ITIH5: variants seen among roughly 807,000 people sequenced by gnomAD.
ITIH5 encodes the protein inter-alpha-trypsin inhibitor heavy chain H5.
A neutral mutation model predicts 77.5 loss-of-function variants in ITIH5; 65 were observed. That is an observed-to-expected ratio of 0.84 (90% CI 0.69 to 1.03). The LOEUF (loss-of-function observed/expected upper bound fraction) is 1.03, where lower values mean the gene tolerates loss of function less well. Ranked by LOEUF, ITIH5 falls within the 50% of genes least tolerant of loss-of-function variation. The pLI, the probability that ITIH5 is intolerant of heterozygous loss-of-function variation, is 0.00. For synonymous variants in ITIH5, 525 were observed against 494.3 expected, an observed-to-expected ratio of 1.06 and a Z score of -0.82; for missense variants, 1,208 against 1,213.1, an observed-to-expected ratio of 1.00 and a Z score of 0.06.
intron 7 of ITIH5, among the ~76,000 whole-genome samples, chr10:7,591,631 TCA>T (rs2130988278): frequency 6.6e-6 from 1 of 152,234 alleles, no homozygotes; most frequent in East Asian, 1.9e-4. Context: ...CCTCTTCCTC[TCA>T]GTCTTTGCTG....
chr10:7,578,064 C>T (rs564266922), intron 9 of ITIH5, among the ~76,000 whole-genome samples: 2 of 152,164 alleles, frequency 1.3e-5, no homozygotes, highest in South Asian at 4.1e-4. Flanking sequence ...TCCCTTTTTG[C>T]GGCTAGAAAA....
Position 7,629,386 on chromosome 10 carries a change from C to CGTGTGTCCATGTTGTAGA in ITIH5, c.652+7824_652+7841dup, listed in dbSNP as rs1564269843. 1.4e-3 allele frequency among the ~76,000 whole-genome samples: 201 copies of CGTGTGTCCATGTTGTAGA among 141,214 alleles called. 22 individuals are homozygous for CGTGTGTCCATGTTGTAGA. The highest frequency in any genetic ancestry group is 2.7e-3 in the Non-Finnish European group (175 of 64,782). 92.6% of individuals were successfully genotyped at this position (141,214 alleles called of 152,430 possible). Reference sequence around the variant, plus strand: ...GTTGTAGCGTGTGTCCATGTTGTAGCGTGTGTCCATGTTGTAGAGTGTGTC... The same window carrying CGTGTGTCCATGTTGTAGA: ...GTTGTAGCGTGTGTCCATGTTGTAGCGTGTGTCCATGTTGTAGAGTGTGTCCATGTTGTAGAGTGTGTC... On this transcript the variant is annotated intron_variant, in intron 5 of 13. Transcript: ENST00000397146.
Position 7,564,052 on chromosome 10 carries a change from G to A in ITIH5, c.2528-668C>T, listed in dbSNP as rs112940074. The stretch of plus-strand genomic sequence containing the variant: ...TGAAGAAAGCTGGGTAGAATGGCCC[G>A]CCTGCTGGGCACGGCCACGTGGGTG... On this transcript the variant is annotated intron_variant, in intron 13 of 13. Transcript: ENST00000397146. Among the ~76,000 whole-genome samples, 7 of 152,382 alleles carry A rather than the reference G, an allele frequency of 4.6e-5. No homozygotes were observed. The East Asian group carries it at 9.6e-4, about 21-fold the overall frequency.
chr10:7,574,637 C>CA (rs540309501), intron 10 of ITIH5, among the ~76,000 whole-genome samples: 36 of 151,760 alleles, frequency 2.4e-4, no homozygotes, highest in African/African-American at 7.5e-4. Flanking sequence ...ACTAAAAATA[C>CA]AAAAAATTAG....
chr10:7,643,462 C>T (rs1222481919), intron 2 of ITIH5, among the ~76,000 whole-genome samples: 1 of 152,142 alleles, frequency 6.6e-6, no homozygotes, highest in Non-Finnish European at 1.5e-5. Context: ...AACTTGAACC[C>T]GATCCCACTT....
At position 7,666,929 on chromosome 10, in the gene ITIH5, G is replaced by C; in HGVS notation, c.-37C>G. On this transcript the variant is annotated 5_prime_UTR_variant, in exon 1 of 14. Coordinates refer to ENST00000397146, the MANE Select transcript of ITIH5 (RefSeq NM_030569.7). ...GGCGCGGGACGCTCGGGGACCCGGC[G>C]GGACACGCTTTGCAGCGCCCAGGGC... The C allele has an allele frequency of 6.5e-7, 1 of 1,536,924 alleles. No homozygotes were observed. The highest frequency in any genetic ancestry group is 8.8e-7 in the Non-Finnish European group (1 of 1,134,232).
intron 5 of ITIH5, among the ~76,000 whole-genome samples, chr10:7,627,439 G>A (rs1588411059): frequency 1.3e-5 from 2 of 152,288 alleles, no homozygotes. Flanking sequence ...TTGACCTTGC[G>A]GGATGTGTGG....
intron 2 of ITIH5, among the ~76,000 whole-genome samples, chr10:7,654,339 T>C (rs1289236873): frequency 6.6e-6 from 1 of 152,200 alleles, no homozygotes; most frequent in Non-Finnish European, 1.5e-5. Context: ...GGGAGGCTAT[T>C]CTCCATGAAT....
At chr10:7,658,544 G>A (rs7923066) in intron 1 of ITIH5, among the ~76,000 whole-genome samples, 18,411 of 152,086 alleles carry the variant, frequency 0.12, 1,279 homozygotes, top group East Asian at 0.29. Context: ...CAGAGAATAC[G>A]TGCCCAGGGT....
rs1832023618 is a variant in ITIH5 at position 7,560,599 on chromosome 10, G to C, written c.*2484C>G. The C allele has an allele frequency of 6.6e-6, 1 of 152,254 alleles. No individual in the cohort carries two copies. The highest frequency in any genetic ancestry group is 1.5e-5 in the Non-Finnish European group (1 of 68,066). The allele number at this position is 152,254 out of a possible 1,614,324, so 9.4% of individuals were successfully genotyped here. Reference sequence around the variant, plus strand: ...GGCCGTCGGGGGTCAGGGGAGGATAGAGAACAATGTTCCTTCATTTTGAAA... The same window carrying C: ...GGCCGTCGGGGGTCAGGGGAGGATACAGAACAATGTTCCTTCATTTTGAAA... On this transcript the variant is annotated 3_prime_UTR_variant, in exon 14 of 14. Transcript: ENST00000397146.
rs762512341 is a variant in ITIH5, at chr10:7,637,334, G to T, written c.546C>A (p.Ser182=). ...TATTCACGTCCACGCTCAGCCTCCC[G>T]GACAGCTGCTGGGGCCGCACGCTGA... ...HSISVRPQQL[S]GRLSVDVNIL... Residue 182 remains serine (S), a synonymous_variant, in exon 5 of 14, where the codon TCC becomes TCA. Coordinates refer to ENST00000397146, the MANE Select transcript of ITIH5 (RefSeq NM_030569.7). The T allele has an allele frequency of 1.9e-6, 3 of 1,613,964 alleles. No individual in the cohort carries two copies. Among genetic ancestry groups the T allele is most frequent in the African/African-American group, 1.3e-5 (1 of 74,930 alleles).
chr10:7,603,768 A>T (rs1160671087), intron 7 of ITIH5, among the ~76,000 whole-genome samples: 1 of 152,050 alleles, frequency 6.6e-6, no homozygotes, highest in Non-Finnish European at 1.5e-5. Context: ...TATTTTTAGT[A>T]GAGACGAGGT....
chr10:7,655,103 G>T (rs1262182745), intron 2 of ITIH5, among the ~76,000 whole-genome samples: 1 of 152,158 alleles, frequency 6.6e-6, no homozygotes, highest in Non-Finnish European at 1.5e-5. Context: ...AGAGTCTAAA[G>T]GCATGTCTCT....
At chr10:7,652,216 A>G (rs1266760959) in intron 2 of ITIH5, among the ~76,000 whole-genome samples, 1 of 152,172 alleles carries the variant, frequency 6.6e-6, no homozygotes, top group Non-Finnish European at 1.5e-5. Context: ...AAAATCAAAC[A>G]AATTCCTGTG....
chr10:7,628,906 T>C (rs1395638414), intron 5 of ITIH5, among the ~76,000 whole-genome samples: 2 of 138,842 alleles, frequency 1.4e-5, no homozygotes, highest in East Asian at 2.1e-4. Context: ...GTGGCATGCA[T>C]CCATGTTATC....
At chr10:7,576,430 T>A (rs781030102) in intron 10 of ITIH5, 23 bp downstream of exon 10, 1 of 1,526,856 alleles carries the variant, frequency 6.5e-7, no homozygotes, top group African/African-American at 1.4e-5. Flanking sequence ...CCCCCACACC[T>A]GGCTGGCACA....
intron 7 of ITIH5, among the ~76,000 whole-genome samples, chr10:7,589,345 G>A (rs116518839): frequency 0.062 from 9,364 of 152,142 alleles, 405 homozygotes; most frequent in East Asian, 0.19. Flanking sequence ...CTGTAATCCA[G>A]CTACTTGGGA....
chr10:7,566,521 A>T, intron 12 of ITIH5, 114 bp from the exon 13 acceptor site: 2 of 972,282 alleles, frequency 2.1e-6, no homozygotes, highest in Non-Finnish European at 3.0e-6. Context: ...TGAGTCCAGG[A>T]GTTCAAGACC....
chr10:7,646,791 C>T (rs1247905695), intron 2 of ITIH5, among the ~76,000 whole-genome samples: 3 of 152,182 alleles, frequency 2.0e-5, no homozygotes, highest in African/African-American at 4.8e-5. Flanking sequence ...CAGCTGGTCA[C>T]CTGGTAGCCA....
Sources: allele counts gnomAD v4.1 joint callset (sites outside exome capture counted in the v4.1 genomes callset), GRCh38; gene constraint gnomAD v4.1.1; transcripts MANE v1.5; gene names NCBI Gene and HGNC (gene_info 2026-07-23, HGNC 2026-07-21).